Variants in ZCCHC14 observed in about 807,000 individuals in gnomAD.
ZCCHC14 encodes the protein zinc finger CCHC domain-containing protein 14.
Under a neutral mutation model 85.0 loss-of-function variants are expected in ZCCHC14, and 16 were observed. The ratio of observed to expected loss-of-function variants is 0.19; its 90% CI spans 0.13 to 0.29. ZCCHC14 has a LOEUF of 0.29. ZCCHC14 is among the 10% of genes least tolerant of loss of function. The probability of loss-of-function intolerance (pLI) is 1.00; values close to 1 mark genes in which losing one functional copy is unlikely to be tolerated. For missense variants in ZCCHC14, 1,303 were observed against 1,443.5 expected, an observed-to-expected ratio of 0.90 and a Z score of 1.58; for synonymous variants, 775 against 630.7, an observed-to-expected ratio of 1.23 and a Z score of -3.43.
At chr16:87,426,579 C>T (rs904303674) in intron 3 of ZCCHC14, among the ~76,000 whole-genome samples, 2 of 152,226 alleles carry the variant, frequency 1.3e-5, no homozygotes, top group African/African-American at 4.8e-5. Context: ...TGTTTTTCCA[C>T]ACAGCCTCCC....
At chr16:87,458,609 G>A (rs1163454813) in intron 2 of ZCCHC14, among the ~76,000 whole-genome samples, 2 of 152,220 alleles carry the variant, frequency 1.3e-5, no homozygotes. Flanking sequence ...ATCAGAGACA[G>A]GTGGCTCTCG....
chr16:87,433,177 T>C lies in ZCCHC14; in HGVS notation c.719A>G (p.Lys240Arg). ...SKVSVEKIDL[K>R]GLSHTKNDRN... Reference sequence around the variant, plus strand: ...GTCATTTTTTGTGTGTGATAATCCCTTCAGGTCTATCTTTTCAACACTCAC... The same window carrying C: ...GTCATTTTTTGTGTGTGATAATCCCCTCAGGTCTATCTTTTCAACACTCAC... The change falls in exon 3 of 13, where the codon AAG becomes AGG. Residue 240 changes from lysine to arginine, a missense_variant. Transcript: ENST00000671377. The C allele has an allele frequency of 6.2e-7, 1 of 1,614,182 alleles. No homozygotes were observed. Among genetic ancestry groups the C allele is most frequent in the East Asian group, 2.2e-5 (1 of 44,890 alleles).
chr16:87,415,131 A>G, intron 9 of ZCCHC14, 145 bp downstream of exon 9: 4 of 604,800 alleles, frequency 6.6e-6, no homozygotes, highest in Non-Finnish European at 1.1e-5. Flanking sequence ...TAAATAAATA[A>G]AAATAAATAA....
chr16:87,447,434 T>C (rs149925821), intron 2 of ZCCHC14, among the ~76,000 whole-genome samples: 47 of 152,334 alleles, frequency 3.1e-4, no homozygotes, highest in African/African-American at 1.1e-3. Context: ...CGCAGTGCTT[T>C]TCAATTCTCT....
At chr16:87,466,905 T>G (rs1482488377) in intron 1 of ZCCHC14, among the ~76,000 whole-genome samples, 1 of 152,174 alleles carries the variant, frequency 6.6e-6, no homozygotes, top group Non-Finnish European at 1.5e-5. Context: ...AGGGGCAGCC[T>G]GCCACTGCCC....
At position 87,418,796 on chromosome 16, in the gene ZCCHC14, CATT is replaced by C. The variant is rs777439110; in HGVS notation, c.1100+48_1100+50del. Reference sequence around the variant, plus strand: ...AACTTTACACAGAACTCAAAGTAAACATTGTAAAATGCTTATCTGAACTGTGCT... The same window carrying C: ...AACTTTACACAGAACTCAAAGTAAACGTAAAATGCTTATCTGAACTGTGCT... On this transcript the variant is annotated intron_variant, in intron 7 of 12. Transcript: ENST00000671377. 74 of 1,556,662 alleles carry C rather than the reference CATT, an allele frequency of 4.8e-5. No homozygotes were observed. The African/African-American group carries it at 9.5e-4, about 20-fold the overall frequency.
At chr16:87,460,430 C>G (rs1911203003) in intron 1 of ZCCHC14, among the ~76,000 whole-genome samples, 1 of 152,194 alleles carries the variant, frequency 6.6e-6, no homozygotes, top group South Asian at 2.1e-4. Context: ...TGGCTCACGC[C>G]TGTTATCCCA....
chr16:87,470,559 C>T (rs1460692868), intron 1 of ZCCHC14: 1 of 152,120 alleles, frequency 6.6e-6, no homozygotes, highest in African/African-American at 2.4e-5. Flanking sequence ...ACTAATCCCA[C>T]TGGGAGGAGT....
At chr16:87,456,533 CAA>C (rs60817141) in intron 2 of ZCCHC14, among the ~76,000 whole-genome samples, 21 of 63,364 alleles carry the variant, frequency 3.3e-4, no homozygotes, top group African/African-American at 9.1e-4. Flanking sequence ...ACTCTGTCTC[CAA>C]AAAAAAAAAA....
chr16:87,435,829 C>T (rs1479091121), intron 2 of ZCCHC14, among the ~76,000 whole-genome samples: 3 of 152,224 alleles, frequency 2.0e-5, no homozygotes, highest in Non-Finnish European at 4.4e-5. Context: ...TCTGGCAAAA[C>T]AAAGAGCACA....
At chr16:87,450,694 CTGAG>C (rs1247203574) in intron 2 of ZCCHC14, among the ~76,000 whole-genome samples, 6 of 151,668 alleles carry the variant, frequency 4.0e-5, no homozygotes, top group Non-Finnish European at 1.5e-5. Flanking sequence ...CCTCAGCCTC[CTGAG>C]TGAGTAGCTG....
In ZCCHC14 at chr16:87,411,857, G is replaced by C; in HGVS notation, c.2864C>G (p.Ser955Cys). 6.2e-7 allele frequency: 1 copy of C among 1,608,054 alleles called. No homozygotes were observed. Among genetic ancestry groups the C allele is most frequent in the Non-Finnish European group, 8.5e-7 (1 of 1,177,658 alleles). ...GGGCAAGAAGGGGAAGGTGAACACG[G>C]ACGGACCGGAGAACGGGTGCTGGAA... ...NYFQHPFSGPSVFTFPFLPFS... is the reference protein window; with the variant it reads ...NYFQHPFSGPCVFTFPFLPFS... The change falls in exon 12 of 13, where the codon TCC becomes TGC. Residue 955 changes from serine to cysteine, a missense_variant. Physicochemically the swap from Ser to Cys is moderately radical, Grantham distance 112. Transcript: ENST00000671377.
At chr16:87,479,859 C>T (rs1912186089) in intron 1 of ZCCHC14, among the ~76,000 whole-genome samples, 1 of 152,156 alleles carries the variant, frequency 6.6e-6, no homozygotes, top group African/African-American at 2.4e-5. Context: ...TGAGTGCAAC[C>T]CAGGTAACCT....
chr16:87,451,245 G>C (rs1051288966), intron 2 of ZCCHC14, among the ~76,000 whole-genome samples: 1 of 148,482 alleles, frequency 6.7e-6, no homozygotes, highest in Middle Eastern at 3.2e-3. Flanking sequence ...TGCCCAGGCT[G>C]GAATGCAATG....
chr16:87,411,752 G>A lies in ZCCHC14; in HGVS notation c.2969C>T (p.Pro990Leu), dbSNP rs1449895070. ...GTCTGGGGTCCCGCTGCTGCTGTAA[G>A]GGGCGTGCACGACGGGGAAGGTGGA... ...GGSTFPVVHAPYSSSGTPDPV... is the reference protein window; with the variant it reads ...GGSTFPVVHALYSSSGTPDPV... The change falls in exon 12 of 13, where the codon CCT (proline) becomes CTT (leucine). Residue 990 changes from proline (P) to leucine (L), a missense_variant. By Grantham distance (98) the Pro-to-Leu change is moderately conservative. Coordinates refer to ENST00000671377, the MANE Select transcript of ZCCHC14 (RefSeq NM_015144.3). 2 of 1,612,568 alleles carry A rather than the reference G, an allele frequency of 1.2e-6. No homozygotes were observed. Among genetic ancestry groups the A allele is most frequent in the Non-Finnish European group, 1.7e-6 (2 of 1,179,040 alleles).
intron 1 of ZCCHC14, among the ~76,000 whole-genome samples, chr16:87,487,678 A>G (rs1912572461): frequency 6.6e-6 from 1 of 152,264 alleles, no homozygotes; most frequent in Admixed American, 6.5e-5. Context: ...GTGAAGACAA[A>G]GAGCCTATTA....
chr16:87,423,602 G>T (rs932548060), intron 4 of ZCCHC14, among the ~76,000 whole-genome samples: 21 of 152,168 alleles, frequency 1.4e-4, no homozygotes, highest in African/African-American at 5.1e-4. Flanking sequence ...AAGTGAAGGA[G>T]GCATCCGCGG....
chr16:87,445,070 CTTTT>C (rs56137815), intron 2 of ZCCHC14, among the ~76,000 whole-genome samples: 3 of 140,542 alleles, frequency 2.1e-5, no homozygotes, highest in East Asian at 2.0e-4. Flanking sequence ...TCAAAATAAA[CTTTT>C]TTTTTTTTTT....
intron 3 of ZCCHC14, among the ~76,000 whole-genome samples, chr16:87,429,506 A>G (rs993668207): frequency 3.3e-5 from 5 of 152,050 alleles, no homozygotes; most frequent in African/African-American, 1.2e-4. Flanking sequence ...AGAAGCAGCA[A>G]CTTGTTGGGC....
Sources: allele counts gnomAD v4.1 joint callset (sites outside exome capture counted in the v4.1 genomes callset), GRCh38; gene constraint gnomAD v4.1.1; transcripts MANE v1.5; gene names NCBI Gene and HGNC (gene_info 2026-07-23, HGNC 2026-07-21).